Variants in GRM4 observed in about 807,000 individuals in gnomAD.
GRM4 encodes the protein glutamate metabotropic receptor 4, also known as metabotropic glutamate receptor 4.
In GRM4, 28 loss-of-function variants were observed where a neutral mutation model predicts 81.7. The ratio of observed to expected loss-of-function variants is 0.34; its 90% CI spans 0.25 to 0.47. The LOEUF is 0.47. GRM4 is among the 20% of genes least tolerant of loss of function. The pLI, the probability that GRM4 is intolerant of heterozygous loss-of-function variation, is 1.00. For synonymous variants in GRM4, 488 were observed against 528.8 expected, an observed-to-expected ratio of 0.92 and a Z score of 1.06; for missense variants, 948 against 1,290.0, an observed-to-expected ratio of 0.73 and a Z score of 4.06.
chr6:34,036,181 C>T lies in GRM4; in HGVS notation c.1929G>A (p.Met643Ile). 1 of 1,614,166 alleles carries T rather than the reference C, an allele frequency of 6.2e-7. No homozygotes were observed. The highest frequency in any genetic ancestry group is 8.5e-7 in the Non-Finnish European group (1 of 1,179,998). The change falls in exon 9 of 11, where the codon ATG becomes ATA. Residue 643 changes from methionine (M) to isoleucine (I), a missense_variant. Physicochemically the swap from Met to Ile is conservative, Grantham distance 10 (BLOSUM62 1). Transcript: ENST00000538487. This position sits in a 1 kb window ranked among gnomAD's most constrained non-coding sequence, Gnocchi z 9.0. ...IFLCYATTFL[M>I]IAEPDLGTCS... is the part of the protein sequence containing the mutation. ...AGGTGCCAAGGTCGGGCTCAGCGAT[C>T]ATGAGGAAGGTGGTGGCATAGCACA...
chr6:34,088,517 A>G (rs975952201), intron 3 of GRM4, among the ~76,000 whole-genome samples: 1 of 152,174 alleles, frequency 6.6e-6, no homozygotes, highest in South Asian at 2.1e-4. Flanking sequence ...CGCACAGCCA[A>G]TCAGCATCCG....
rs961898357 is a variant in GRM4 at position 34,069,443 on chromosome 6, G to A, written c.737-7415C>T. Among the ~76,000 whole-genome samples the A allele has an allele frequency of 2.6e-5, 4 of 152,144 alleles. No homozygotes were observed. The highest frequency in any genetic ancestry group is 9.7e-5 in the African/African-American group (4 of 41,420). On this transcript the variant is annotated intron_variant, in intron 3 of 10. Coordinates refer to ENST00000538487, the MANE Select transcript of GRM4 (RefSeq NM_000841.4). This position sits in a 1 kb window ranked among gnomAD's most constrained non-coding sequence, Gnocchi z 6.4. Reference sequence around the variant, plus strand: ...AGGCCCCAGCAAAGGCCCTCCCCATGCGGCTGCTCCAGAGTGAGCTGGGTG... The same window carrying A: ...AGGCCCCAGCAAAGGCCCTCCCCATACGGCTGCTCCAGAGTGAGCTGGGTG...
chr6:34,148,723 G>A (rs762537830), upstream of GRM4, among the ~76,000 whole-genome samples: 2 of 152,212 alleles, frequency 1.3e-5, no homozygotes, highest in African/African-American at 2.4e-5. Flanking sequence ...CATGTGACGT[G>A]GGGGAGCCCC....
In GRM4 at chr6:34,078,684, G is replaced by A. The variant is rs192348109; in HGVS notation, c.736+13199C>T. Among the ~76,000 whole-genome samples the A allele has an allele frequency of 1.2e-4, 18 of 152,026 alleles. No homozygotes were observed. In the South Asian group the frequency reaches 1.7e-3, roughly 14 times the overall value. Reference sequence around the variant, plus strand: ...CGCACCCCTCCGCAGCCCCTACTGCGTGGCCCTCTGTTCACTCTCCGCCCT... The same window carrying A: ...CGCACCCCTCCGCAGCCCCTACTGCATGGCCCTCTGTTCACTCTCCGCCCT... On this transcript the variant is annotated intron_variant, in intron 3 of 10. Coordinates refer to ENST00000538487, the MANE Select transcript of GRM4 (RefSeq NM_000841.4). The surrounding 1 kb of genome is among the most constrained non-coding windows in gnomAD (Gnocchi z 4.8).
At chr6:34,085,133 A>G (rs1767820085) in intron 3 of GRM4, among the ~76,000 whole-genome samples, 1 of 152,144 alleles carries the variant, frequency 6.6e-6, no homozygotes, top group African/African-American at 2.4e-5. Context: ...ACTTCACTCT[A>G]CAGAGTCATA....
rs1334323915 is a variant in GRM4, at chr6:34,048,447, G to A, written c.1169-7699C>T. On this transcript the variant is annotated intron_variant, in intron 6 of 10. Transcript: ENST00000538487. The surrounding 1 kb of genome is among the most constrained non-coding windows in gnomAD (Gnocchi z 4.0). Reference sequence around the variant, plus strand: ...GCTGGGGCTCAGCTCTCCCACACAGGAGGGGCTGGGGCTGGGGGTGGGGGA... The same window carrying A: ...GCTGGGGCTCAGCTCTCCCACACAGAAGGGGCTGGGGCTGGGGGTGGGGGA... 2.0e-5 allele frequency among the ~76,000 whole-genome samples: 3 copies of A among 151,700 alleles called. No individual in the cohort carries two copies. In the South Asian group the frequency reaches 6.2e-4, roughly 32 times the overall value.
intron 9 of GRM4, among the ~76,000 whole-genome samples, chr6:34,032,563 C>T (rs1764491304): frequency 6.6e-6 from 1 of 152,230 alleles, no homozygotes; most frequent in Admixed American, 6.5e-5. Context: ...GTGTATGTCC[C>T]ATGTCCTAGG....
intron 1 of GRM4, among the ~76,000 whole-genome samples, chr6:34,138,746 C>T (rs945033250): frequency 2.0e-5 from 3 of 152,188 alleles, no homozygotes; most frequent in South Asian, 2.1e-4. Flanking sequence ...CAGCCCTCCT[C>T]GTGCTGACCT....
chr6:34,032,529 G>A (rs1422767501), intron 9 of GRM4, among the ~76,000 whole-genome samples: 6 of 152,148 alleles, frequency 3.9e-5, no homozygotes, highest in South Asian at 4.1e-4. Flanking sequence ...ACCGCCTCCC[G>A]TTCAGAGGCC....
At chr6:34,056,419 A>G (rs535942904) in intron 6 of GRM4, 125 bp downstream of exon 6, 6 of 848,350 alleles carry the variant, frequency 7.1e-6, no homozygotes, top group African/African-American at 3.4e-5. Context: ...TGCAGGCCCA[A>G]CTGCACGTCC....
chr6:34,107,569 C>T (rs924046161), intron 2 of GRM4, among the ~76,000 whole-genome samples: 1 of 152,176 alleles, frequency 6.6e-6, no homozygotes, highest in Non-Finnish European at 1.5e-5. Context: ...CAATGGAGCA[C>T]TCCCCTTAGA....
At chr6:34,084,436 A>C (rs1181455245) in intron 3 of GRM4, among the ~76,000 whole-genome samples, 1 of 151,882 alleles carries the variant, frequency 6.6e-6, no homozygotes, top group African/African-American at 2.4e-5. Flanking sequence ...CCTGGGGGGG[A>C]AAACTCCACC....
At chr6:34,126,764 C>A (rs980277446) in intron 2 of GRM4, among the ~76,000 whole-genome samples, 4 of 152,222 alleles carry the variant, frequency 2.6e-5, no homozygotes, top group Admixed American at 6.5e-5. Flanking sequence ...CCTCCCATTC[C>A]CCATCCCTCC....
intron 10 of GRM4, chr6:34,024,483 T>C (rs1764035661): frequency 2.8e-6 from 1 of 360,300 alleles, no homozygotes; most frequent in African/African-American, 2.1e-5. Flanking sequence ...TGCTCAGTTC[T>C]GGGACCTCTT....
chr6:34,104,902 A>G (rs1769043185), intron 2 of GRM4, among the ~76,000 whole-genome samples: 2 of 152,086 alleles, frequency 1.3e-5, no homozygotes, highest in Admixed American at 1.3e-4. Context: ...ATCCTCACAC[A>G]GGCCGTGGGA....
intron 1 of GRM4, among the ~76,000 whole-genome samples, chr6:34,153,925 C>CAA (rs3041982): frequency 0.44 from 56,854 of 128,984 alleles, 13,065 homozygotes; most frequent in Non-Finnish European, 0.54. Flanking sequence ...GACTCTGTCT[C>CAA]AAAAAAAAAA....
chr6:34,036,550 G>A lies in GRM4; in HGVS notation c.1560C>T (p.Cys520=), dbSNP rs2127443479. Reference sequence around the variant, plus strand: ...GCTCACCCGGTTGGCAGGGCAGGCTGCAGATGGAGCGGGGCAGCTGCTGCC... The same window carrying A: ...GCTCACCCGGTTGGCAGGGCAGGCTACAGATGGAGCGGGGCAGCTGCTGCC... The part of the protein sequence containing the change: ...GSGQQLPRSI[C]SLPCQPGERK... The change falls in exon 9 of 11, where the codon TGC becomes TGT. Residue 520 remains cysteine, a synonymous_variant. Coordinates refer to ENST00000538487, the MANE Select transcript of GRM4 (RefSeq NM_000841.4). This position sits in a 1 kb window ranked among gnomAD's most constrained non-coding sequence, Gnocchi z 9.0. The A allele has an allele frequency of 3.1e-6, 5 of 1,607,762 alleles. No individual in the cohort carries two copies. The highest frequency in any genetic ancestry group is 4.5e-5 in the East Asian group (2 of 44,834).
In GRM4 at chr6:34,107,011, G is replaced by A. The variant is rs562061206; in HGVS notation, c.520-14912C>T. Among the ~76,000 whole-genome samples the A allele has an allele frequency of 2.6e-5, 4 of 152,380 alleles. No individual in the cohort carries two copies. In the East Asian group the frequency reaches 7.7e-4, roughly 29 times the overall value. ...GGACGGGCCAAGTGGCAGCAATTCA[G>A]CCAAGACCACAGGTGGCTGGAGGCT... is the stretch of plus-strand genomic sequence containing the variant. On this transcript the variant is annotated intron_variant, in intron 2 of 10. Transcript: ENST00000538487.
chr6:34,140,942 C>T (rs367582043), intron 1 of GRM4, among the ~76,000 whole-genome samples: 3 of 152,240 alleles, frequency 2.0e-5, no homozygotes, highest in African/African-American at 4.8e-5. Context: ...TTCCATCCCT[C>T]GGCTGCACCG....
Sources: gnomAD v4.1 joint callset for allele counts (sites outside exome capture counted in the v4.1 genomes callset) on GRCh38, gnomAD v4.1.1 for gene constraint, Gnocchi (gnomAD v3.1) non-coding constraint, MANE v1.5 for transcripts, NCBI Gene and HGNC (gene_info 2026-07-23, HGNC 2026-07-21) for gene names.